The following ZNF786 variants were observed in gnomAD, a reference collection of about 807,000 sequenced individuals.
ZNF786 encodes zinc finger protein 786.
A neutral mutation model predicts 63.1 loss-of-function variants in ZNF786; 56 were observed. The ratio of observed to expected loss-of-function variants is 0.89; its 90% confidence interval spans 0.72 to 1.11. ZNF786 has a LOEUF of 1.11. Among genes scored for constraint, ZNF786 ranks in the 50% least tolerant of loss-of-function variants. The probability of loss-of-function intolerance (pLI) is 0.00; values close to 1 mark genes in which losing one functional copy is unlikely to be tolerated. For missense variants in ZNF786, 1,213 were observed against 1,041.8 expected (o/e 1.16, Z -2.26); for synonymous variants, 485 against 406.9 (o/e 1.19, Z -2.31).
chr7:149,079,886 C>T (rs1255869903), intron 2 of ZNF786, among the ~76,000 whole-genome samples: 3 of 147,964 alleles, frequency 2.0e-5, no homozygotes, highest in Non-Finnish European at 4.5e-5. Context: ...ACTCTTAAAA[C>T]ACTTCAGGCC....
In ZNF786 at chr7:149,090,664, C is replaced by G. The variant is rs1247131728; in HGVS notation, c.-24G>C. ...ATGGTCCCCGCGGTCCCGCCCGGCCCTGGCAAACCCGACCGTCTCCGGCGG... is the reference window on the plus strand; with the variant it reads ...ATGGTCCCCGCGGTCCCGCCCGGCCGTGGCAAACCCGACCGTCTCCGGCGG... On this transcript the variant is annotated 5_prime_UTR_variant, in exon 1 of 4. Coordinates refer to ENST00000491431, the MANE Select transcript of ZNF786 (RefSeq NM_152411.4). 2 of 1,580,476 alleles carry G rather than the reference C, an allele frequency of 1.3e-6. No homozygotes were observed. The highest frequency in any genetic ancestry group is 1.7e-6 in the Non-Finnish European group (2 of 1,162,128).
chr7:149,090,072 C>A (rs1825805684), intron 1 of ZNF786, among the ~76,000 whole-genome samples: 1 of 152,154 alleles, frequency 6.6e-6, no homozygotes, highest in Non-Finnish European at 1.5e-5. Context: ...GATAAAAATA[C>A]CCTCTAAACC....
rs57987134 is a variant in ZNF786, at chr7:149,073,747, G to GTATATATA, written c.298+631_298+638dup. ...TGCGTGTGTGTGTGTGTGTGTGTGT[G>GTATATATA]TATATATATATATATATATATATAT... On this transcript the variant is annotated intron_variant, in intron 3 of 3. Coordinates refer to ENST00000491431, the MANE Select transcript of ZNF786 (RefSeq NM_152411.4). Among the ~76,000 whole-genome samples the GTATATATA allele has an allele frequency of 6.6e-4, 51 of 77,558 alleles. 2 individuals carry two copies. The highest frequency in any genetic ancestry group is 2.1e-3 in the East Asian group (4 of 1,872). 50.9% of individuals were successfully genotyped at this position (77,558 alleles called of 152,430 possible).
chr7:149,070,631 C>T lies in ZNF786; in HGVS notation c.2141G>A (p.Arg714Gln), dbSNP rs746264693. 7 of 1,614,002 alleles carry T rather than the reference C, an allele frequency of 4.3e-6. No homozygotes were observed. Among genetic ancestry groups the T allele is most frequent in the East Asian group, 2.2e-5 (1 of 44,886 alleles). ...FHCPECDKNF[R>Q]ERGHMLRHQR... ...GTGCCTCAGCATGTGTCCCCTTTCC[C>T]GGAAGTTCTTGTCACACTCAGGGCA... The change falls in exon 4 of 4, where the codon CGG (arginine) becomes CAG (glutamine). Residue 714 changes from arginine (R) to glutamine (Q), a missense_variant. Arg to Gln is a conservative substitution (Grantham distance 43, BLOSUM62 1). Transcript: ENST00000491431.
At chr7:149,082,196 G>C (rs539617547) in intron 1 of ZNF786, among the ~76,000 whole-genome samples, 3 of 152,256 alleles carry the variant, frequency 2.0e-5, no homozygotes, top group Admixed American at 2.0e-4. Context: ...TTGTTTAAAA[G>C]TGTGTAGCAC....
rs1348724405 is a variant in ZNF786 at position 149,082,386 on chromosome 7, T to C, written c.19-1669A>G. 25 of 218,662 alleles carry C rather than the reference T, an allele frequency of 1.1e-4. No homozygotes were observed. In the Admixed American group the frequency reaches 1.6e-3, roughly 14 times the overall value. The allele number at this position is 218,662 out of a possible 1,614,324, so 13.5% of individuals were successfully genotyped here. On this transcript the variant is annotated intron_variant, in intron 1 of 3. Coordinates refer to ENST00000491431, the MANE Select transcript of ZNF786 (RefSeq NM_152411.4). ...TATGCAAATGTTCAGTATTGTTTAA[T>C]ATTTGTGTTTATTACAGTTGACTTA...
chr7:149,079,563 CTTT>C (rs377025040), intron 2 of ZNF786, among the ~76,000 whole-genome samples: 2 of 119,430 alleles, frequency 1.7e-5, no homozygotes, highest in Admixed American at 1.8e-4. Context: ...GACAGCTACT[CTTT>C]TTTTTTTTTT....
At position 149,088,726 on chromosome 7, in the gene ZNF786, C is replaced by T. The variant is rs562533764; in HGVS notation, c.18+1897G>A. On this transcript the variant is annotated intron_variant, in intron 1 of 3. Transcript: ENST00000491431. ...TCCTTTTAATGAAATAGAATGTGAC[C>T]GGTGAAACTCAAGTTCTTGTGGTTC... Among the ~76,000 whole-genome samples, 8 of 152,146 alleles carry T rather than the reference C, an allele frequency of 5.3e-5. No homozygotes were observed. The South Asian group carries it at 1.7e-3, about 32-fold the overall frequency.
chr7:149,079,460 C>G (rs1386573893), intron 2 of ZNF786, among the ~76,000 whole-genome samples: 1 of 151,438 alleles, frequency 6.6e-6, no homozygotes, highest in Non-Finnish European at 1.5e-5. Context: ...TGATGCTTCT[C>G]TGAACAGACT....
Position 149,071,965 on chromosome 7 carries a change from C to A in ZNF786, c.807G>T (p.Arg269=). ...LAAHTGRGPF[R]NADGEMCFRH... is the part of the protein sequence containing the mutation. ...GGAAGCACATTTCACCGTCAGCGTTCCGGAAGGGGCCCCTCCCCGTGTGGG... is the reference window on the plus strand; with the variant it reads ...GGAAGCACATTTCACCGTCAGCGTTACGGAAGGGGCCCCTCCCCGTGTGGG... Residue 269 remains arginine, a synonymous_variant, in exon 4 of 4, where the codon CGG becomes CGT. Transcript: ENST00000491431. The A allele has an allele frequency of 1.2e-6, 2 of 1,612,202 alleles. No individual in the cohort carries two copies. The highest frequency in any genetic ancestry group is 8.5e-7 in the Non-Finnish European group (1 of 1,179,794).
chr7:149,072,620 T>C, intron 3 of ZNF786, 147 bp from the exon 4 acceptor site: 1 of 903,388 alleles, frequency 1.1e-6, no homozygotes, highest in Non-Finnish European at 1.6e-6. Context: ...GTGATCTGTC[T>C]CATGGCCGTG....
At chr7:149,072,567 G>A (rs915054087) in intron 3 of ZNF786, 94 bp from the exon 4 acceptor site, 236 of 1,400,418 alleles carry the variant, frequency 1.7e-4, no homozygotes, top group Non-Finnish European at 2.0e-4. Flanking sequence ...GCCTTGTGGT[G>A]GCCTGGGAAC....
intron 2 of ZNF786, among the ~76,000 whole-genome samples, chr7:149,075,889 C>T (rs1413179523): frequency 6.6e-6 from 1 of 151,842 alleles, no homozygotes; most frequent in Admixed American, 6.6e-5. Flanking sequence ...TCTCAAACTT[C>T]TCAGCCCAAG....
intron 2 of ZNF786, among the ~76,000 whole-genome samples, chr7:149,077,949 G>A (rs1466185174): frequency 3.4e-5 from 5 of 148,836 alleles, no homozygotes; most frequent in East Asian, 2.0e-4. Context: ...TGTAGCCTCC[G>A]CCTCCTGGGT....
intron 2 of ZNF786, among the ~76,000 whole-genome samples, chr7:149,079,236 G>A (rs1228356607): frequency 6.6e-6 from 1 of 151,928 alleles, no homozygotes; most frequent in Non-Finnish European, 1.5e-5. Flanking sequence ...GTGAAACCCT[G>A]TCTCTACTAA....
At chr7:149,083,565 C>T (rs939916141) in intron 1 of ZNF786, among the ~76,000 whole-genome samples, 1 of 152,062 alleles carries the variant, frequency 6.6e-6, no homozygotes, top group South Asian at 2.1e-4. Context: ...TAGTTTCAGG[C>T]AAACATGTGC....
In ZNF786 at chr7:149,075,612, G is replaced by A. The variant is rs373002750; in HGVS notation, c.146-1074C>T. ...GAGAAAAATATACAAAAACCTGGAT[G>A]CCATCTAACTTTGTCAAATCCTACT... On this transcript the variant is annotated intron_variant, in intron 2 of 3. Coordinates refer to ENST00000491431, the MANE Select transcript of ZNF786 (RefSeq NM_152411.4). Among the ~76,000 whole-genome samples the A allele has an allele frequency of 2.1e-4, 29 of 140,272 alleles. 1 individual carries two copies. The East Asian group carries it at 6.1e-3, about 30-fold the overall frequency. The allele number at this position is 140,272 out of a possible 152,430, so 92.0% of individuals were successfully genotyped here.
At chr7:149,072,580 A>G (rs1825451066) in intron 3 of ZNF786, 107 bp from the exon 4 acceptor site, 5 of 1,309,388 alleles carry the variant, frequency 3.8e-6, no homozygotes, top group Non-Finnish European at 5.1e-6. Context: ...CTGGGAACCC[A>G]GCTTCCACTG....
chr7:149,087,259 A>G (rs983500893), intron 1 of ZNF786, among the ~76,000 whole-genome samples: 26 of 152,240 alleles, frequency 1.7e-4, no homozygotes, highest in African/African-American at 6.0e-4. Context: ...TTCTGCTATA[A>G]TCCTTGTTTT....
Sources: gnomAD v4.1 joint callset for allele counts (sites outside exome capture counted in the v4.1 genomes callset) on GRCh38, gnomAD v4.1.1 for gene constraint, MANE v1.5 for transcripts, NCBI Gene and HGNC (gene_info 2026-07-23, HGNC 2026-07-21) for gene names.